ZBTB20: variants seen among roughly 807,000 people sequenced by gnomAD.
The protein encoded by ZBTB20 is zinc finger and BTB domain containing 20.
In ZBTB20, 9 loss-of-function variants were observed where a neutral mutation model predicts 56.9. That is an observed-to-expected ratio of 0.16 (90% CI 0.10 to 0.28). The LOEUF (loss-of-function observed/expected upper bound fraction) is 0.28, where lower values mean the gene tolerates loss of function less well. Among genes scored for constraint, ZBTB20 ranks in the 10% least tolerant of loss-of-function variants. The pLI, the probability that ZBTB20 is intolerant of heterozygous loss-of-function variation, is 1.00. For missense variants in ZBTB20, 655 were observed against 1,003.0 expected, an observed-to-expected ratio of 0.65 and a Z score of 4.69; for synonymous variants, 417 against 420.7, an observed-to-expected ratio of 0.99 and a Z score of 0.11.
At chr3:114,622,432 T>A (rs1284045228) in intron 6 of ZBTB20, among the ~76,000 whole-genome samples, 1 of 152,174 alleles carries the variant, frequency 6.6e-6, no homozygotes, top group East Asian at 1.9e-4. Flanking sequence ...CATTAAACTT[T>A]TACCATACTA....
At chr3:114,886,547 G>T (rs955531943) in intron 4 of ZBTB20, among the ~76,000 whole-genome samples, 8 of 152,174 alleles carry the variant, frequency 5.3e-5, no homozygotes, top group South Asian at 2.1e-4. Context: ...CACAAGTAAA[G>T]TTATGTGAAA....
chr3:114,346,998 T>C (rs1022853404), intron 11 of ZBTB20, among the ~76,000 whole-genome samples: 3 of 151,946 alleles, frequency 2.0e-5, no homozygotes, highest in Non-Finnish European at 2.9e-5. Context: ...AAACACTTTC[T>C]TTCATGAATG....
At chr3:114,826,171 A>G (rs1397058204) in intron 4 of ZBTB20, among the ~76,000 whole-genome samples, 2 of 151,790 alleles carry the variant, frequency 1.3e-5, no homozygotes, top group Admixed American at 6.6e-5. Flanking sequence ...TATGGTTGAG[A>G]TTAAAGCCAA....
chr3:114,381,358 A>G (rs1222539937), intron 8 of ZBTB20, among the ~76,000 whole-genome samples: 1 of 152,198 alleles, frequency 6.6e-6, no homozygotes, highest in Non-Finnish European at 1.5e-5. Context: ...ATATGGGGTC[A>G]GGAATAGGAA....
chr3:114,949,310 A>G (rs2076984784), intron 3 of ZBTB20, among the ~76,000 whole-genome samples: 1 of 146,402 alleles, frequency 6.8e-6, no homozygotes, highest in African/African-American at 2.8e-5. Context: ...ATGGCAAACA[A>G]TAAAGATTCT....
rs535745111 is a variant in ZBTB20, at chr3:115,016,603, C to A, written c.-506-42187G>T. 4.2e-4 allele frequency among the ~76,000 whole-genome samples: 64 copies of A among 151,812 alleles called. No individual in the cohort carries two copies. The Middle Eastern group carries it at 0.01, about 24-fold the overall frequency. On this transcript the variant is annotated intron_variant, in intron 2 of 11. Coordinates refer to ENST00000675478, the MANE Select transcript of ZBTB20 (RefSeq NM_001348800.3). Reference sequence around the variant, plus strand: ...CATTGCTTGTTTTTGTCAGGTTTGTCGAAGATCAGATGGTTGTAGGCATGT... The same window carrying A: ...CATTGCTTGTTTTTGTCAGGTTTGTAGAAGATCAGATGGTTGTAGGCATGT...
At position 114,690,472 on chromosome 3, in the gene ZBTB20, A is replaced by C. The variant is rs148703464; in HGVS notation, c.-295+3056T>G. On this transcript the variant is annotated intron_variant, in intron 6 of 11. Coordinates refer to ENST00000675478, the MANE Select transcript of ZBTB20 (RefSeq NM_001348800.3). ...AGACAGTGAGACAGCACAAGACTACAGATACAGGTTCTCTACAGACAGCCT... is the reference window on the plus strand; with the variant it reads ...AGACAGTGAGACAGCACAAGACTACCGATACAGGTTCTCTACAGACAGCCT... Among the ~76,000 whole-genome samples the C allele has an allele frequency of 2.0e-5, 3 of 152,290 alleles. No individual in the cohort carries two copies. The East Asian group carries it at 5.8e-4, about 29-fold the overall frequency.
At position 114,655,380 on chromosome 3, in the gene ZBTB20, G is replaced by A. The variant is rs992103457; in HGVS notation, c.-295+38148C>T. On this transcript the variant is annotated intron_variant, in intron 6 of 11. Coordinates refer to ENST00000675478, the MANE Select transcript of ZBTB20 (RefSeq NM_001348800.3). The stretch of plus-strand genomic sequence containing the variant: ...CCATTCTCCTGCCTCAGCCTCCCCA[G>A]TAGCTGGGACTACAGGCGCCCGCCA... Among the ~76,000 whole-genome samples the A allele has an allele frequency of 2.0e-5, 3 of 149,512 alleles. No homozygotes were observed. In the South Asian group the frequency reaches 6.4e-4, roughly 32 times the overall value.
intron 6 of ZBTB20, among the ~76,000 whole-genome samples, chr3:114,546,489 G>T (rs1199119846): frequency 1.3e-5 from 2 of 151,878 alleles, no homozygotes; most frequent in African/African-American, 4.8e-5. Flanking sequence ...CATTCTGAAG[G>T]TTCTAGTCTG....
At chr3:115,095,220 A>G (rs1276471637) in intron 1 of ZBTB20, among the ~76,000 whole-genome samples, 1 of 152,150 alleles carries the variant, frequency 6.6e-6, no homozygotes, top group Non-Finnish European at 1.5e-5. Flanking sequence ...TCCCTCTGGA[A>G]ACTAGATGAA....
intron 4 of ZBTB20, among the ~76,000 whole-genome samples, chr3:114,811,423 A>C (rs2072504684): frequency 6.6e-6 from 1 of 152,240 alleles, no homozygotes. Context: ...TAGAGCATTT[A>C]AATTATGAAC....
intron 2 of ZBTB20, among the ~76,000 whole-genome samples, chr3:115,070,809 T>C (rs2082383830): frequency 6.6e-6 from 1 of 151,306 alleles, no homozygotes; most frequent in Non-Finnish European, 1.5e-5. Context: ...ACATAAAAAA[T>C]AAAAAAAACT....
intron 4 of ZBTB20, among the ~76,000 whole-genome samples, chr3:114,859,302 T>G (rs915884120): frequency 2.1e-4 from 32 of 150,164 alleles, no homozygotes; most frequent in Middle Eastern, 3.5e-3. Flanking sequence ...CTTCCTTCTT[T>G]CCTTCCTTCC....
At chr3:114,446,786 T>C (rs2091298332) in intron 7 of ZBTB20, among the ~76,000 whole-genome samples, 1 of 152,182 alleles carries the variant, frequency 6.6e-6, no homozygotes, top group African/African-American at 2.4e-5. Flanking sequence ...TCCTGGACTG[T>C]ATCAAACTCA....
chr3:114,365,279 C>G (rs2082281170), intron 10 of ZBTB20, among the ~76,000 whole-genome samples: 1 of 152,182 alleles, frequency 6.6e-6, no homozygotes, highest in Admixed American at 6.5e-5. Flanking sequence ...GAACTCATCT[C>G]TCATTCATTT....
chr3:114,920,068 G>A (rs995645847), intron 3 of ZBTB20, among the ~76,000 whole-genome samples: 2 of 152,158 alleles, frequency 1.3e-5, no homozygotes, highest in African/African-American at 2.4e-5. Flanking sequence ...AATTCATTAA[G>A]AGGATATAAA....
intron 6 of ZBTB20, among the ~76,000 whole-genome samples, chr3:114,512,079 A>T (rs2045462298): frequency 6.6e-6 from 1 of 152,170 alleles, no homozygotes; most frequent in Non-Finnish European, 1.5e-5. Context: ...CTGTTAGACC[A>T]ATACAGTATG....
At chr3:114,464,963 C>CT (rs2092479265) in intron 7 of ZBTB20, among the ~76,000 whole-genome samples, 2 of 152,024 alleles carry the variant, frequency 1.3e-5, no homozygotes, top group Admixed American at 6.5e-5. Flanking sequence ...GTTCTCAAGA[C>CT]TTTTTTTCCC....
At chr3:114,987,174 T>C (rs1365980319) in intron 2 of ZBTB20, among the ~76,000 whole-genome samples, 1 of 152,146 alleles carries the variant, frequency 6.6e-6, no homozygotes, top group Non-Finnish European at 1.5e-5. Flanking sequence ...TCTGCTTCAG[T>C]TTGATTCAGT....
Sources: gnomAD v4.1 joint callset for allele counts (sites outside exome capture counted in the v4.1 genomes callset) on GRCh38, gnomAD v4.1.1 for gene constraint, MANE v1.5 for transcripts, NCBI Gene and HGNC (gene_info 2026-07-23, HGNC 2026-07-21) for gene names.